Variants in SMYD3 observed in about 807,000 individuals in gnomAD.
SMYD3 encodes the protein histone-lysine N-methyltransferase SMYD3.
In SMYD3, 36 loss-of-function variants were observed where a neutral mutation model predicts 57.7. The observed-to-expected ratio is 0.62, with a 90% confidence interval of 0.48 to 0.82. SMYD3 has a LOEUF of 0.82. Among genes scored for constraint, SMYD3 ranks in the 40% least tolerant of loss-of-function variants. The pLI is 0.00. For synonymous variants in SMYD3, 211 were observed against 195.0 expected (o/e 1.08, Z -0.68); for missense variants, 515 against 538.8 (o/e 0.96, Z 0.44).
At chr1:246,087,755 T>G (rs1214888583) in intron 5 of SMYD3, among the ~76,000 whole-genome samples, 1 of 152,196 alleles carries the variant, frequency 6.6e-6, no homozygotes, top group East Asian at 1.9e-4. Flanking sequence ...CCAACACTGC[T>G]GTCATTACGG....
chr1:245,872,109 T>C (rs751288075), intron 8 of SMYD3, among the ~76,000 whole-genome samples: 4 of 152,170 alleles, frequency 2.6e-5, no homozygotes, highest in Non-Finnish European at 4.4e-5. Flanking sequence ...TCATGATGCT[T>C]GCTCTACTGC....
At chr1:246,082,742 C>T (rs1278071622) in intron 5 of SMYD3, among the ~76,000 whole-genome samples, 2 of 152,142 alleles carry the variant, frequency 1.3e-5, no homozygotes, top group African/African-American at 4.8e-5. Context: ...GAGAAGTAGA[C>T]ATAAGAGACT....
At chr1:245,977,829 G>C (rs1478763656) in intron 5 of SMYD3, among the ~76,000 whole-genome samples, 1 of 152,114 alleles carries the variant, frequency 6.6e-6, no homozygotes, top group Middle Eastern at 3.2e-3. Flanking sequence ...CCCCATGCAG[G>C]GAACATACTA....
At chr1:245,897,172 T>C (rs2053874270) in intron 8 of SMYD3, among the ~76,000 whole-genome samples, 1 of 152,136 alleles carries the variant, frequency 6.6e-6, no homozygotes, top group East Asian at 1.9e-4. Context: ...AAGAACAAAT[T>C]TGAAATCTTG....
At position 246,341,883 on chromosome 1, in the gene SMYD3, C is replaced by T. The variant is rs368031545; in HGVS notation, c.229-6409G>A. On this transcript the variant is annotated intron_variant, in intron 2 of 11. Coordinates refer to ENST00000490107, the MANE Select transcript of SMYD3 (RefSeq NM_001167740.2). Reference sequence around the variant, plus strand: ...TGGGATAGAGTGTAAGAAGGGTCATCCTGTATTGAACCTTGGATTGGGTAA... The same window carrying T: ...TGGGATAGAGTGTAAGAAGGGTCATTCTGTATTGAACCTTGGATTGGGTAA... Among the ~76,000 whole-genome samples, 10 of 152,260 alleles carry T rather than the reference C, an allele frequency of 6.6e-5. No individual in the cohort carries two copies. In the South Asian group the frequency reaches 1.7e-3, roughly 25 times the overall value.
At chr1:246,196,036 T>C (rs1165769604) in intron 5 of SMYD3, among the ~76,000 whole-genome samples, 1 of 152,170 alleles carries the variant, frequency 6.6e-6, no homozygotes, top group Non-Finnish European at 1.5e-5. Context: ...CACTTCTTTA[T>C]TTAAAAAAAA....
At chr1:245,996,492 CAAAT>C (rs1178742462) in intron 5 of SMYD3, among the ~76,000 whole-genome samples, 3 of 152,150 alleles carry the variant, frequency 2.0e-5, no homozygotes, top group Non-Finnish European at 2.9e-5. Context: ...GAAAACTGAA[CAAAT>C]AGACACATAC....
At chr1:246,285,336 T>C (rs1384596628) in intron 5 of SMYD3, among the ~76,000 whole-genome samples, 2 of 152,212 alleles carry the variant, frequency 1.3e-5, no homozygotes, top group African/African-American at 4.8e-5. Context: ...CATGTATATA[T>C]ACCACAATTT....
At chr1:246,399,632 A>G (rs12691530) in intron 1 of SMYD3, among the ~76,000 whole-genome samples, 49,546 of 152,056 alleles carry the variant, frequency 0.33, 8,445 homozygotes, top group Non-Finnish European at 0.36. Context: ...GGCGTGAGCT[A>G]CCATGCCCAG....
chr1:246,427,413 G>GGGAGGCTGAGGCA (rs1233841503), intron 1 of SMYD3, among the ~76,000 whole-genome samples: 1 of 150,744 alleles, frequency 6.6e-6, no homozygotes, highest in African/African-American at 2.4e-5. Context: ...CCAGCTACTC[G>GGGAGGCTGAGGCA]GGAGGCTGAG....
intron 5 of SMYD3, among the ~76,000 whole-genome samples, chr1:246,055,340 C>T (rs911277638): frequency 6.6e-6 from 1 of 151,922 alleles, no homozygotes; most frequent in Non-Finnish European, 1.5e-5. Flanking sequence ...ATCTGCAGCC[C>T]CAGGTACTCC....
intron 3 of SMYD3, among the ~76,000 whole-genome samples, chr1:246,333,245 G>A (rs1394182452): frequency 6.6e-6 from 1 of 152,196 alleles, no homozygotes; most frequent in African/African-American, 2.4e-5. Flanking sequence ...GAGGGGTCAA[G>A]ACTTCAGTAG....
At chr1:246,092,469 T>A (rs1008775058) in intron 5 of SMYD3, among the ~76,000 whole-genome samples, 1 of 152,094 alleles carries the variant, frequency 6.6e-6, no homozygotes, top group African/African-American at 2.4e-5. Flanking sequence ...ACATTTACGG[T>A]CAACCCATTT....
At chr1:246,201,385 A>C (rs1050019982) in intron 5 of SMYD3, among the ~76,000 whole-genome samples, 1 of 152,186 alleles carries the variant, frequency 6.6e-6, no homozygotes, top group Admixed American at 6.5e-5. Context: ...ATGGGTGTTC[A>C]TCTCTCTGGA....
intron 10 of SMYD3, among the ~76,000 whole-genome samples, chr1:245,810,714 C>T (rs1412775699): frequency 6.6e-6 from 1 of 152,120 alleles, no homozygotes; most frequent in Non-Finnish European, 1.5e-5. Context: ...AGCCCCAGGA[C>T]CAGCATCAGA....
intron 5 of SMYD3, among the ~76,000 whole-genome samples, chr1:246,148,818 T>C (rs1558269029): frequency 6.6e-6 from 1 of 152,174 alleles, no homozygotes; most frequent in East Asian, 1.9e-4. Context: ...CCTTTACTTG[T>C]TAATAAGCAA....
At chr1:246,014,196 C>G (rs1160062753) in intron 5 of SMYD3, among the ~76,000 whole-genome samples, 3 of 152,106 alleles carry the variant, frequency 2.0e-5, no homozygotes, top group Non-Finnish European at 2.9e-5. Context: ...GGTGGTGCAG[C>G]CTGTAATCCC....
At chr1:245,888,068 G>A (rs1254432897) in intron 8 of SMYD3, among the ~76,000 whole-genome samples, 1 of 152,158 alleles carries the variant, frequency 6.6e-6, no homozygotes, top group Non-Finnish European at 1.5e-5. Flanking sequence ...CCTAATTCTA[G>A]TCCTTGTTGG....
chr1:245,971,953 G>A (rs535113427), intron 5 of SMYD3, among the ~76,000 whole-genome samples: 153 of 152,246 alleles, frequency 1.0e-3, no homozygotes, highest in African/African-American at 3.3e-3. Flanking sequence ...CAGCTTTGCA[G>A]AGTCTGAAGC....
Sources: allele counts gnomAD v4.1 joint callset (sites outside exome capture counted in the v4.1 genomes callset), GRCh38; gene constraint gnomAD v4.1.1; transcripts MANE v1.5; gene names NCBI Gene and HGNC (gene_info 2026-07-23, HGNC 2026-07-21).